Variants in DCDC2C observed in about 807,000 individuals in gnomAD.
DCDC2C encodes the protein doublecortin domain containing 2C.
A neutral mutation model predicts 45.0 loss-of-function variants in DCDC2C; 44 were observed. The observed-to-expected ratio is 0.98, with a 90% CI of 0.77 to 1.26. The LOEUF (loss-of-function observed/expected upper bound fraction) is 1.26. Among genes scored for constraint, DCDC2C ranks in the 50% most tolerant of loss-of-function variants. The pLI, the probability that DCDC2C is intolerant of heterozygous loss-of-function variation, is 0.00. For synonymous variants in DCDC2C, 187 were observed against 178.8 expected, an observed-to-expected ratio of 1.05 and a Z score of -0.37; for missense variants, 447 against 468.9, an observed-to-expected ratio of 0.95 and a Z score of 0.43.
At chr2:3,779,733 G>T (rs1469211341) in intron 9 of DCDC2C, among the ~76,000 whole-genome samples, 1 of 152,112 alleles carries the variant, frequency 6.6e-6, no homozygotes, top group Non-Finnish European at 1.5e-5. Context: ...ATCCTCCAGG[G>T]CTGTAAACAG....
intron 2 of DCDC2C, among the ~76,000 whole-genome samples, chr2:3,718,801 C>G (rs959863386): frequency 3.3e-5 from 5 of 152,194 alleles, no homozygotes; most frequent in Non-Finnish European, 5.9e-5. Flanking sequence ...CGGACCTTTG[C>G]AGTGAGTGTT....
chr2:3,755,177 A>G (rs1350031383), intron 6 of DCDC2C, among the ~76,000 whole-genome samples: 1 of 152,088 alleles, frequency 6.6e-6, no homozygotes, highest in Middle Eastern at 3.2e-3. Context: ...GTATGGATGC[A>G]TGTGTGTGTA....
At chr2:3,820,252 AT>A (rs923909171) in intron 10 of DCDC2C, among the ~76,000 whole-genome samples, 5 of 152,164 alleles carry the variant, frequency 3.3e-5, no homozygotes, top group African/African-American at 1.2e-4. Flanking sequence ...TCGAGTTTGT[AT>A]TGGGGCCAAG....
At chr2:3,745,923 G>T (rs13396742) in intron 4 of DCDC2C, among the ~76,000 whole-genome samples, 2,763 of 151,864 alleles carry the variant, frequency 0.018, 83 homozygotes, top group African/African-American at 0.063. Context: ...ATGTTGCCCA[G>T]GCTAATTATT....
chr2:3,790,572 A>G (rs935181807), intron 10 of DCDC2C, among the ~76,000 whole-genome samples: 1 of 152,192 alleles, frequency 6.6e-6, no homozygotes, highest in South Asian at 2.1e-4. Context: ...TTTTGCAACA[A>G]AATGACAATG....
intron 10 of DCDC2C, among the ~76,000 whole-genome samples, chr2:3,791,036 C>G (rs930281306): frequency 6.6e-6 from 1 of 151,868 alleles, no homozygotes; most frequent in African/African-American, 2.4e-5. Flanking sequence ...CGTGAACCCG[C>G]GAGGCAGAGC....
intron 8 of DCDC2C, among the ~76,000 whole-genome samples, chr2:3,770,716 G>C (rs902062204): frequency 2.6e-5 from 4 of 152,222 alleles, no homozygotes; most frequent in African/African-American, 9.6e-5. Context: ...TAGACTGTGT[G>C]TCCAACACAA....
At chr2:3,800,814 T>TTTGG (rs1333079624) in intron 10 of DCDC2C, among the ~76,000 whole-genome samples, 2 of 124,092 alleles carry the variant, frequency 1.6e-5, no homozygotes, top group African/African-American at 5.1e-5. Flanking sequence ...AAGTGAGTGA[T>TTTGG]TTGGTGGCAG....
At chr2:3,794,271 A>C (rs1670897322) in intron 10 of DCDC2C, among the ~76,000 whole-genome samples, 1 of 152,248 alleles carries the variant, frequency 6.6e-6, no homozygotes, top group African/African-American at 2.4e-5. Flanking sequence ...TAATATTTTC[A>C]TCAACATCTT....
At chr2:3,800,092 T>C (rs59795163) in intron 10 of DCDC2C, among the ~76,000 whole-genome samples, 73,316 of 151,940 alleles carry the variant, frequency 0.48, 18,504 homozygotes, top group East Asian at 0.82. Flanking sequence ...TTAAGCCCGT[T>C]GGAAAAGCGC....
At chr2:3,825,208 G>T (rs1230516831) in intron 10 of DCDC2C, among the ~76,000 whole-genome samples, 2 of 152,026 alleles carry the variant, frequency 1.3e-5, no homozygotes, top group Admixed American at 1.3e-4. Context: ...AAATACCCTG[G>T]GAGTCAGTAC....
chr2:3,745,876 A>ATT lies in DCDC2C; in HGVS notation c.545+3843_545+3844dup, dbSNP rs200784470. Among the ~76,000 whole-genome samples, 647 of 142,154 alleles carry ATT rather than the reference A, an allele frequency of 4.6e-3. 5 individuals carry two copies. The highest frequency in any genetic ancestry group is 8.3e-3 in the Admixed American group (118 of 14,218). The allele number at this position is 142,154 out of a possible 152,430, so 93.3% of individuals were successfully genotyped here. ...AGGTGTGAGCCACCACTCATGACTA[A>ATT]TTTTTTTTTTTTTTTTGGTAGAGAT... On this transcript the variant is annotated intron_variant, in intron 4 of 10. Transcript: ENST00000399143.
At chr2:3,732,537 G>A (rs752505423) in intron 3 of DCDC2C, among the ~76,000 whole-genome samples, 17 of 152,252 alleles carry the variant, frequency 1.1e-4, no homozygotes, top group Admixed American at 5.2e-4. Context: ...GGGGTTCAAG[G>A]TTAGTTTCCT....
chr2:3,793,022 G>A (rs904232017), intron 10 of DCDC2C, among the ~76,000 whole-genome samples: 7 of 152,152 alleles, frequency 4.6e-5, no homozygotes, highest in Non-Finnish European at 1.0e-4. Flanking sequence ...CCATAAGGTC[G>A]TATAATTTCC....
chr2:3,830,322 A>C (rs2148233864), intron 10 of DCDC2C, among the ~76,000 whole-genome samples: 1 of 151,378 alleles, frequency 6.6e-6, no homozygotes, highest in Non-Finnish European at 1.5e-5. Context: ...TTGTTCATCC[A>C]TTAGTGATGT....
intron 1 of DCDC2C, among the ~76,000 whole-genome samples, chr2:3,708,211 G>C (rs975218684): frequency 1.3e-5 from 2 of 152,154 alleles, no homozygotes; most frequent in African/African-American, 4.8e-5. Context: ...TGATGAGCTC[G>C]CAGTTCTGGG....
intron 8 of DCDC2C, among the ~76,000 whole-genome samples, chr2:3,770,204 G>A (rs1558218622): frequency 6.6e-6 from 1 of 152,184 alleles, no homozygotes; most frequent in Non-Finnish European, 1.5e-5. Context: ...TCTCTAAAAG[G>A]TCAATATTAG....
intron 2 of DCDC2C, among the ~76,000 whole-genome samples, chr2:3,718,252 C>T (rs576057105): frequency 6.6e-6 from 1 of 152,214 alleles, no homozygotes; most frequent in South Asian, 2.1e-4. Flanking sequence ...GTATTCTCCT[C>T]TCCTTGGTTC....
chr2:3,818,349 G>A lies in DCDC2C; in HGVS notation c.1066-28805G>A, dbSNP rs1053118813. On this transcript the variant is annotated intron_variant, in intron 10 of 10. Coordinates refer to ENST00000399143, the MANE Select transcript of DCDC2C (RefSeq NM_001287444.2). The surrounding 1 kb of genome is among the most constrained non-coding windows in gnomAD (Gnocchi z 4.7). ...GCGAAGAGAGGCTGGGATGAAGGGT[G>A]CAAAGGAATAGTAAAGAAAGCATAT... is the stretch of plus-strand genomic sequence containing the variant. 5.9e-5 allele frequency among the ~76,000 whole-genome samples: 9 copies of A among 152,276 alleles called. No individual in the cohort carries two copies. The South Asian group carries it at 1.9e-3, about 32-fold the overall frequency.
Sources: gnomAD v4.1 joint callset for allele counts (sites outside exome capture counted in the v4.1 genomes callset) on GRCh38, gnomAD v4.1.1 for gene constraint, Gnocchi (gnomAD v3.1) non-coding constraint, MANE v1.5 for transcripts, NCBI Gene and HGNC (gene_info 2026-07-23, HGNC 2026-07-21) for gene names.